The following CD53 variants were observed in gnomAD, a reference collection of about 807,000 sequenced individuals.
CD53 encodes CD53 molecule.
Under a neutral mutation model 27.3 loss-of-function variants are expected in CD53, and 20 were observed. The observed-to-expected ratio is 0.73, with a 90% CI of 0.52 to 1.07. The LOEUF is 1.07. Among genes scored for constraint, CD53 ranks in the 50% least tolerant of loss-of-function variants. CD53 has a pLI of 0.00. For missense variants in CD53, 216 were observed against 264.0 expected (o/e 0.82, Z 1.26); for synonymous variants, 106 against 105.3 (o/e 1.01, Z -0.04).
In CD53 at chr1:110,899,297, C is replaced by T. The variant is rs1657204029; in HGVS notation, c.*102C>T. On this transcript the variant is annotated 3_prime_UTR_variant, in exon 8 of 8. Coordinates refer to ENST00000271324, the MANE Select transcript of CD53 (RefSeq NM_000560.4). ...TGATCACTGCAGGATGATCCTCCTC[C>T]CATCCTTTCCCTTTTTAGGTCCCTG... The T allele has an allele frequency of 2.5e-6, 2 of 791,942 alleles. No homozygotes were observed. Among genetic ancestry groups the T allele is most frequent in the Non-Finnish European group, 4.2e-6 (2 of 475,292 alleles). The allele number at this position is 791,942 out of a possible 1,614,324, so 49.1% of individuals were successfully genotyped here.
rs114136501 is a variant in CD53, at chr1:110,875,185, T to C, written c.-18+1937T>C. On this transcript the variant is annotated intron_variant, in intron 1 of 7. Coordinates refer to ENST00000271324, the MANE Select transcript of CD53 (RefSeq NM_000560.4). ...CTGTATATTCAAATTCAAAGAAGTG[T>C]GTACCTCCAGGCATGTTAGAAATGA... is the stretch of plus-strand genomic sequence containing the variant. 3.0e-3 allele frequency among the ~76,000 whole-genome samples: 460 copies of C among 152,282 alleles called. 3 individuals carry two copies. The highest frequency in any genetic ancestry group is 0.011 in the African/African-American group (445 of 41,548).
In CD53 at chr1:110,894,314, T is replaced by C; in HGVS notation, c.253-13T>C. On this transcript the variant is annotated splice_polypyrimidine_tract_variant and intron_variant, in intron 3 of 7. Coordinates refer to ENST00000271324, the MANE Select transcript of CD53 (RefSeq NM_000560.4). Reference sequence around the variant, plus strand: ...GGGATCAGTGCTGTGAGAATGTATCTGCTTTGTCCCAGTTCTTCATCCTGC... The same window carrying C: ...GGGATCAGTGCTGTGAGAATGTATCCGCTTTGTCCCAGTTCTTCATCCTGC... The C allele has an allele frequency of 1.2e-6, 2 of 1,613,114 alleles. No homozygotes were observed. Among genetic ancestry groups the C allele is most frequent in the Non-Finnish European group, 1.7e-6 (2 of 1,179,066 alleles).
intron 1 of CD53, among the ~76,000 whole-genome samples, chr1:110,879,120 A>G (rs912030272): frequency 1.3e-5 from 2 of 152,066 alleles, no homozygotes; most frequent in East Asian, 1.9e-4. Context: ...TGTATGTTTT[A>G]TTCCTAAAAA....
chr1:110,888,892 T>A (rs2101055193), intron 1 of CD53, among the ~76,000 whole-genome samples: 1 of 152,330 alleles, frequency 6.6e-6, no homozygotes, highest in South Asian at 2.1e-4. Context: ...GGGGACTACA[T>A]TCATTTGAAT....
upstream of CD53, among the ~76,000 whole-genome samples, chr1:110,871,814 T>TACACACACAC (rs3068856): frequency 0.058 from 8,431 of 145,624 alleles, 270 homozygotes; most frequent in Non-Finnish European, 0.064. Context: ...CAAGAGAAAC[T>TACACACACAC]ACACACACAC....
chr1:110,898,432 T>G lies in CD53; in HGVS notation c.588+540T>G, dbSNP rs542095806. Among the ~76,000 whole-genome samples the G allele has an allele frequency of 1.0e-4, 15 of 148,524 alleles. No homozygotes were observed. The South Asian group carries it at 3.0e-3, about 30-fold the overall frequency. On this transcript the variant is annotated intron_variant, in intron 7 of 7. Transcript: ENST00000271324. ...CTGGTCAATTCATTCCTCAGAGATA[T>G]GAGTGATTCACATGATTCACAGTCA...
chr1:110,899,539 G>A lies in CD53; in HGVS notation c.*344G>A, dbSNP rs745984251. ...TGAATTTTTGCATCTTCCCATTGTC[G>A]AATTAGTCTCCAGCCTCTAAATAAT... On this transcript the variant is annotated 3_prime_UTR_variant, in exon 8 of 8. Coordinates refer to ENST00000271324, the MANE Select transcript of CD53 (RefSeq NM_000560.4). 24 of 209,548 alleles carry A rather than the reference G, an allele frequency of 1.1e-4. No individual in the cohort carries two copies. The highest frequency in any genetic ancestry group is 1.3e-4 in the Non-Finnish European group (13 of 103,284). 13.0% of individuals were successfully genotyped at this position (209,548 alleles called of 1,614,324 possible). A position where few individuals can be genotyped will look rare whatever the true frequency, so the allele number is the denominator to read the frequency against.
intron 1 of CD53, among the ~76,000 whole-genome samples, chr1:110,873,746 A>G (rs1656030417): frequency 6.6e-6 from 1 of 152,244 alleles, no homozygotes; most frequent in Admixed American, 6.5e-5. Context: ...CTTCAAAGCC[A>G]CTAAATAGAA....
chr1:110,893,973 C>A lies in CD53; in HGVS notation c.253-354C>A, dbSNP rs549605861. ...GGTATCCCTGATCTTGTAGAAAGGA[C>A]CAGGCCCCAAATGATCTAGTTTACC... On this transcript the variant is annotated intron_variant, in intron 3 of 7. Coordinates refer to ENST00000271324, the MANE Select transcript of CD53 (RefSeq NM_000560.4). 2.6e-5 allele frequency among the ~76,000 whole-genome samples: 4 copies of A among 152,258 alleles called. No individual in the cohort carries two copies. In the South Asian group the frequency reaches 8.3e-4, roughly 32 times the overall value.
chr1:110,873,120 T>C (rs1656011787), upstream of CD53: 2 of 152,590 alleles, frequency 1.3e-5, no homozygotes, highest in Admixed American at 1.3e-4. Flanking sequence ...CATGATCATA[T>C]TTTTTCACCC....
At chr1:110,889,027 T>C (rs76463114) in intron 1 of CD53, among the ~76,000 whole-genome samples, 1,998 of 152,358 alleles carry the variant, frequency 0.013, 49 homozygotes, top group African/African-American at 0.046. Flanking sequence ...TATTGATTGA[T>C]GTAGCTTGTG....
At chr1:110,883,531 C>T (rs1205875341) in intron 1 of CD53, among the ~76,000 whole-genome samples, 1 of 151,818 alleles carries the variant, frequency 6.6e-6, no homozygotes, top group East Asian at 1.9e-4. Context: ...TATCTTTCTG[C>T]TTTTAGTATC....
chr1:110,893,986 G>T (rs569510463), intron 3 of CD53, among the ~76,000 whole-genome samples: 17 of 152,260 alleles, frequency 1.1e-4, no homozygotes, highest in Non-Finnish European at 1.8e-4. Flanking sequence ...GGCCCCAAAT[G>T]ATCTAGTTTA....
chr1:110,872,040 A>T (rs1655984395), upstream of CD53, among the ~76,000 whole-genome samples: 1 of 152,192 alleles, frequency 6.6e-6, no homozygotes, highest in Non-Finnish European at 1.5e-5. Context: ...AGCGGGAGAC[A>T]GCTAGCTTTC....
At chr1:110,887,162 C>T (rs2101052729) in intron 1 of CD53, among the ~76,000 whole-genome samples, 1 of 152,164 alleles carries the variant, frequency 6.6e-6, no homozygotes, top group Admixed American at 6.5e-5. Context: ...CTCCCGGGTT[C>T]ACGCCATTCT....
upstream of CD53, among the ~76,000 whole-genome samples, chr1:110,871,990 C>T (rs950116035): frequency 2.0e-5 from 3 of 152,198 alleles, no homozygotes; most frequent in African/African-American, 7.2e-5. Flanking sequence ...ACAGCCCTGG[C>T]TGGAGATTAC....
intron 1 of CD53, among the ~76,000 whole-genome samples, chr1:110,879,741 A>T (rs1045494524): frequency 1.3e-5 from 2 of 152,036 alleles, no homozygotes; most frequent in Non-Finnish European, 2.9e-5. Flanking sequence ...ACTTAAAAAA[A>T]TTTTAAAATA....
chr1:110,898,982 C>G (rs975440845), intron 7 of CD53, 142 bp from the exon 8 acceptor site: 11 of 622,796 alleles, frequency 1.8e-5, no homozygotes, highest in Non-Finnish European at 2.3e-5. Flanking sequence ...GAAAGAGCTC[C>G]TGAGAGAGAC....
chr1:110,888,195 C>T (rs1656707072), intron 1 of CD53, among the ~76,000 whole-genome samples: 1 of 152,182 alleles, frequency 6.6e-6, no homozygotes, highest in South Asian at 2.1e-4. Flanking sequence ...ACCTTCAGAA[C>T]TGTAAAATAA....
Sources: allele counts gnomAD v4.1 joint callset (sites outside exome capture counted in the v4.1 genomes callset), GRCh38; gene constraint gnomAD v4.1.1; transcripts MANE v1.5; gene names NCBI Gene and HGNC (gene_info 2026-07-23, HGNC 2026-07-21).